The following AOPEP variants were observed in gnomAD, a reference collection of about 807,000 sequenced individuals.
The protein encoded by AOPEP is aminopeptidase O.
Under a neutral mutation model 98.1 loss-of-function variants are expected in AOPEP, and 77 were observed. The ratio of observed to expected loss-of-function variants is 0.78; its 90% CI spans 0.65 to 0.95. The LOEUF (loss-of-function observed/expected upper bound fraction) is 0.95, where lower values mean the gene tolerates loss of function less well. Among genes scored for constraint, AOPEP ranks in the 40% least tolerant of loss-of-function variants. AOPEP has a pLI of 0.00. For missense variants in AOPEP, 1,024 were observed against 1,024.7 expected (o/e 1.00, Z 0.01); for synonymous variants, 346 against 365.3 (o/e 0.95, Z 0.60).
In AOPEP at chr9:94,740,017, TTTA is replaced by T. The variant is rs1328815729; in HGVS notation, c.-136+13274_-136+13276del. ...AAACAAGCTGCTTTTGAAAGAAGAG[TTTA>T]TTATTATAGTTCCCAGAAGGAGGGG... is the stretch of plus-strand genomic sequence containing the variant. On this transcript the variant is annotated intron_variant, in intron 1 of 16. Coordinates refer to ENST00000375315, the MANE Select transcript of AOPEP (RefSeq NM_001193329.3). Among the ~76,000 whole-genome samples, 22 of 151,690 alleles carry T rather than the reference TTTA, an allele frequency of 1.5e-4. No individual in the cohort carries two copies. In the East Asian group the frequency reaches 4.3e-3, roughly 30 times the overall value.
intron 1 of AOPEP, among the ~76,000 whole-genome samples, chr9:94,753,995 G>C (rs114331996): frequency 6.6e-6 from 1 of 152,132 alleles, no homozygotes; most frequent in Non-Finnish European, 1.5e-5. Context: ...GTAGGGGAAC[G>C]TATGGATACA....
At chr9:94,928,224 G>A (rs1301239524) in intron 6 of AOPEP, among the ~76,000 whole-genome samples, 1 of 152,214 alleles carries the variant, frequency 6.6e-6, no homozygotes, top group African/African-American at 2.4e-5. Context: ...TCCACGGCCA[G>A]CAGCACAAGC....
chr9:94,886,545 CT>C (rs1391803345), intron 5 of AOPEP, among the ~76,000 whole-genome samples: 1 of 151,938 alleles, frequency 6.6e-6, no homozygotes, highest in African/African-American at 2.4e-5. Flanking sequence ...GAATTTTTTT[CT>C]TTTCAAATTT....
intron 13 of AOPEP, chr9:95,018,896 T>G (rs1215882944): frequency 6.6e-6 from 1 of 152,222 alleles, no homozygotes; most frequent in Non-Finnish European, 1.5e-5. Flanking sequence ...CAATACTTAA[T>G]GCATCTTAAG....
At chr9:94,786,725 G>A (rs542111107) in intron 3 of AOPEP, among the ~76,000 whole-genome samples, 15 of 152,336 alleles carry the variant, frequency 9.8e-5, no homozygotes, top group African/African-American at 3.6e-4. Context: ...CAGAGCACTA[G>A]CAGCGCTCCA....
At chr9:94,741,432 C>G (rs1265432487) in intron 1 of AOPEP, among the ~76,000 whole-genome samples, 1 of 151,970 alleles carries the variant, frequency 6.6e-6, no homozygotes, top group Non-Finnish European at 1.5e-5. Flanking sequence ...GCCACCATGC[C>G]TGGCTAATTT....
intron 5 of AOPEP, among the ~76,000 whole-genome samples, chr9:94,916,331 C>T (rs1195492207): frequency 2.0e-5 from 3 of 152,136 alleles, no homozygotes; most frequent in Non-Finnish European, 4.4e-5. Flanking sequence ...TGGTTACTCA[C>T]ATTAATTACT....
In AOPEP at chr9:94,869,758, A is replaced by G. The variant is rs550884134; in HGVS notation, c.1365-54228A>G. ...TATCTGTAGAATGTCATCTGAGTAC[A>G]GCGTATCTGCTGTGAATCTCTCTCC... On this transcript the variant is annotated intron_variant, in intron 5 of 16. Transcript: ENST00000375315. Among the ~76,000 whole-genome samples the G allele has an allele frequency of 1.1e-4, 17 of 152,308 alleles. No homozygotes were observed. In the East Asian group the frequency reaches 2.9e-3, roughly 26 times the overall value.
rs1466099660 is a variant in AOPEP, at chr9:94,904,242, A to T, written c.1365-19744A>T. ...TATGGAATACCTACCCACTGCATACATGATACTAGAAATCCTACAGCTTCC... is the reference window on the plus strand; with the variant it reads ...TATGGAATACCTACCCACTGCATACTTGATACTAGAAATCCTACAGCTTCC... On this transcript the variant is annotated intron_variant, in intron 5 of 16. Coordinates refer to ENST00000375315, the MANE Select transcript of AOPEP (RefSeq NM_001193329.3). 2.6e-5 allele frequency: 4 copies of T among 152,242 alleles called. No individual in the cohort carries two copies. In the East Asian group the frequency reaches 7.7e-4, roughly 29 times the overall value. 9.4% of individuals were successfully genotyped at this position (152,242 alleles called of 1,614,324 possible).
the AOPEP span, among the ~76,000 whole-genome samples, chr9:95,127,731 C>A: frequency 6.6e-6 from 1 of 152,230 alleles, no homozygotes; most frequent in Admixed American, 6.5e-5. Flanking sequence ...AAAAAGGAGG[C>A]GCTCTGCTCC....
At chr9:94,888,326 T>TGTGTGTGTGTAC in intron 5 of AOPEP, among the ~76,000 whole-genome samples, 1 of 151,908 alleles carries the variant, frequency 6.6e-6, no homozygotes, top group African/African-American at 2.4e-5. Flanking sequence ...TGTGTGTGTG[T>TGTGTGTGTGTAC]GTGTGTACTT....
At chr9:94,894,528 A>G (rs934279097) in intron 5 of AOPEP, among the ~76,000 whole-genome samples, 4 of 152,200 alleles carry the variant, frequency 2.6e-5, no homozygotes, top group Admixed American at 6.5e-5. Context: ...TTATTAGACA[A>G]CCTAAGTAAA....
chr9:95,003,213 G>A (rs1406348007), intron 11 of AOPEP, among the ~76,000 whole-genome samples: 1 of 151,844 alleles, frequency 6.6e-6, no homozygotes, highest in Non-Finnish European at 1.5e-5. Flanking sequence ...AACTGCAAAG[G>A]GAAAAAACTT....
At chr9:94,835,586 G>T (rs976958042) in intron 5 of AOPEP, among the ~76,000 whole-genome samples, 3 of 152,134 alleles carry the variant, frequency 2.0e-5, no homozygotes, top group Non-Finnish European at 4.4e-5. Context: ...TTAGTACAAG[G>T]GTGCAAGGCC....
chr9:95,030,745 C>T (rs2064225238), intron 13 of AOPEP, among the ~76,000 whole-genome samples: 1 of 152,196 alleles, frequency 6.6e-6, no homozygotes, highest in South Asian at 2.1e-4. Flanking sequence ...ACTGCCAGCT[C>T]CCCATCATGA....
chr9:94,841,169 A>ATT (rs67614379), intron 5 of AOPEP, among the ~76,000 whole-genome samples: 82 of 133,816 alleles, frequency 6.1e-4, no homozygotes, highest in Middle Eastern at 3.9e-3. Flanking sequence ...GCTCCACACA[A>ATT]TTTTTTTTTT....
intron 5 of AOPEP, among the ~76,000 whole-genome samples, chr9:94,867,097 T>A (rs1040234110): frequency 6.6e-6 from 1 of 152,250 alleles, no homozygotes; most frequent in African/African-American, 2.4e-5. Context: ...TTCAGTCTGC[T>A]GCCTGCTATT....
intron 11 of AOPEP, among the ~76,000 whole-genome samples, chr9:94,983,918 T>TAA (rs1245655155): frequency 6.7e-6 from 1 of 149,926 alleles, no homozygotes; most frequent in Non-Finnish European, 1.5e-5. Flanking sequence ...TTGTGGTGCT[T>TAA]ATCTCTTTTG....
At chr9:94,840,723 G>A (rs144867851) in intron 5 of AOPEP, among the ~76,000 whole-genome samples, 6 of 152,146 alleles carry the variant, frequency 3.9e-5, no homozygotes, top group Admixed American at 2.6e-4. Flanking sequence ...GAGAGTTTTG[G>A]AAGTTTATAG....
Sources: gnomAD v4.1 joint callset for allele counts (sites outside exome capture counted in the v4.1 genomes callset) on GRCh38, gnomAD v4.1.1 for gene constraint, MANE v1.5 for transcripts, NCBI Gene and HGNC (gene_info 2026-07-23, HGNC 2026-07-21) for gene names.